The following TMED7 variants were observed in gnomAD, a reference collection of about 807,000 sequenced individuals.
TMED7 encodes transmembrane p24 trafficking protein 7, also known as transmembrane emp24 domain-containing protein 7.
A neutral mutation model predicts 23.4 loss-of-function variants in TMED7; 8 were observed. The observed-to-expected ratio is 0.34, with a 90% CI of 0.20 to 0.62. The LOEUF is 0.62. Ranked by LOEUF, TMED7 falls within the 20% of genes least tolerant of loss-of-function variation. The probability of loss-of-function intolerance (pLI) is 0.77; values close to 1 mark genes in which losing one functional copy is unlikely to be tolerated. For synonymous variants in TMED7, 121 were observed against 108.5 expected (o/e 1.12, Z -0.72); for missense variants, 232 against 279.1 (o/e 0.83, Z 1.20).
rs1019116434 is a variant in TMED7, at chr5:115,615,438, G to A, written c.*771C>T. On this transcript the variant is annotated 3_prime_UTR_variant, in exon 3 of 3. Transcript: ENST00000456936. The stretch of plus-strand genomic sequence containing the variant: ...TGTAAAAGCACTGAAAATGTAATGA[G>A]TACGTGTAACTCACTAAAAATTTTC... The A allele has an allele frequency of 6.6e-6, 1 of 152,306 alleles. No homozygotes were observed. The highest frequency in any genetic ancestry group is 1.5e-5 in the Non-Finnish European group (1 of 67,972). The allele number at this position is 152,306 out of a possible 1,614,324, so 9.4% of individuals were successfully genotyped here. A position where few individuals can be genotyped will look rare whatever the true frequency, so the allele number is the denominator to read the frequency against.
Position 115,620,630 on chromosome 5 carries a change from A to G in TMED7, c.243T>C (p.Asp81=). Reference sequence around the variant, plus strand: ...TCATCTCTTTGTATAACACTTTACCATCAGGATCTTCTAATCGACAATCTA... The same window carrying G: ...TCATCTCTTTGTATAACACTTTACCGTCAGGATCTTCTAATCGACAATCTA... The part of the protein sequence containing the change: ...YDVDCRLEDP[D]GKVLYKEMKK... The change falls in exon 2 of 3, where the codon GAT becomes GAC. Residue 81 remains aspartate, a synonymous_variant. Transcript: ENST00000456936. The G allele has an allele frequency of 6.3e-7, 1 of 1,579,364 alleles. No individual in the cohort carries two copies. Among genetic ancestry groups the G allele is most frequent in the Non-Finnish European group, 8.6e-7 (1 of 1,164,084 alleles).
rs11550719 is a variant in TMED7, at chr5:115,613,885, G to A, written c.*2324C>T. On this transcript the variant is annotated 3_prime_UTR_variant, in exon 3 of 3. Transcript: ENST00000456936. ...CCTTAAAATGTATCTTCACACAGTT[G>A]AAATTTTAGTATAAACTTGTATATC... 4 of 152,438 alleles carry A rather than the reference G, an allele frequency of 2.6e-5. No homozygotes were observed. The highest frequency in any genetic ancestry group is 6.5e-5 in the Admixed American group (1 of 15,274). 9.4% of individuals were successfully genotyped at this position (152,438 alleles called of 1,614,324 possible).
intron 1 of TMED7, among the ~76,000 whole-genome samples, chr5:115,623,694 C>T (rs569667895): frequency 1.1e-4 from 17 of 152,316 alleles, no homozygotes; most frequent in African/African-American, 3.1e-4. Context: ...TCTCCTCTGC[C>T]GCCTTGTAGA....
At position 115,619,873 on chromosome 5, in the gene TMED7, CTA is replaced by C. The variant is rs765086908; in HGVS notation, c.438+560_438+561del. ...TGGGTTTAAATTTTTTACGCTTTCT[CTA>C]TGTCTCCAAAATAAATCTGAATTTA... On this transcript the variant is annotated intron_variant, in intron 2 of 2. Transcript: ENST00000456936. Among the ~76,000 whole-genome samples, 6 of 152,132 alleles carry C rather than the reference CTA, an allele frequency of 3.9e-5. No individual in the cohort carries two copies. The East Asian group carries it at 7.7e-4, about 20-fold the overall frequency.
intron 1 of TMED7, among the ~76,000 whole-genome samples, chr5:115,624,834 C>A (rs1209055195): frequency 6.6e-6 from 1 of 152,216 alleles, no homozygotes; most frequent in Non-Finnish European, 1.5e-5. Context: ...GCTCTTAAGG[C>A]ACAGTTCTGA....
intron 2 of TMED7, 22 bp from the exon 3 acceptor site, chr5:115,616,467 C>A (rs1276724280): frequency 5.0e-6 from 8 of 1,613,808 alleles, no homozygotes; most frequent in Non-Finnish European, 5.9e-6. Flanking sequence ...TATTTTCAGT[C>A]AGTATGTGTG....
chr5:115,623,680 C>G lies in TMED7; in HGVS notation c.192+1921G>C, dbSNP rs550971459. Among the ~76,000 whole-genome samples, 3 of 152,314 alleles carry G rather than the reference C, an allele frequency of 2.0e-5. No individual in the cohort carries two copies. The South Asian group carries it at 6.2e-4, about 32-fold the overall frequency. On this transcript the variant is annotated intron_variant, in intron 1 of 2. Transcript: ENST00000456936. ...TGAACATATCTGCCTGGGGCCCCTTCTTCTCTCCTCTGCCGCCTTGTAGAG... is the reference window on the plus strand; with the variant it reads ...TGAACATATCTGCCTGGGGCCCCTTGTTCTCTCCTCTGCCGCCTTGTAGAG...
chr5:115,620,554 TG>T lies in TMED7; in HGVS notation c.318del (p.Tyr106Ter), dbSNP rs749916399. 1 of 1,607,812 alleles carries T rather than the reference TG, an allele frequency of 6.2e-7. No homozygotes were observed. Among genetic ancestry groups the T allele is most frequent in the South Asian group, 1.1e-5 (1 of 89,498 alleles). ...GAAAATTCATTGCTGAAGCAAAATT[TG>T]TATGTCCCATTTTTGGAGGCTGTGA... ...FTFTASKNGTYKFCFSNEFST... is the reference protein window; with the variant it reads ...FTFTASKNGTXKFCFSNEFST... On this transcript the variant is annotated frameshift_variant, in exon 2 of 3. Coordinates refer to ENST00000456936, the MANE Select transcript of TMED7 (RefSeq NM_181836.6). LOFTEE classifies it high-confidence loss of function.
chr5:115,618,128 C>T lies in TMED7; in HGVS notation c.439-1683G>A, dbSNP rs181101800. 5.7e-3 allele frequency among the ~76,000 whole-genome samples: 875 copies of T among 152,274 alleles called. 15 individuals carry two copies. The highest frequency in any genetic ancestry group is 0.02 in the African/African-American group (822 of 41,554). ...TTTTAAAAAACTTTTACAGTGAAAA[C>T]TTCCATATATATTCAAAAGTATTGA... On this transcript the variant is annotated intron_variant, in intron 2 of 2. Coordinates refer to ENST00000456936, the MANE Select transcript of TMED7 (RefSeq NM_181836.6).
chr5:115,620,420 G>A lies in TMED7; in HGVS notation c.438+15C>T. On this transcript the variant is annotated intron_variant, in intron 2 of 2. Coordinates refer to ENST00000456936, the MANE Select transcript of TMED7 (RefSeq NM_181836.6). ...TTAAATATACCAACATTATATTGCT[G>A]ATTTTTTTATTTACCTGGGTAAGAG... 6 of 1,476,568 alleles carry A rather than the reference G, an allele frequency of 4.1e-6. 1 individual carries two copies. The South Asian group carries it at 8.9e-5, about 22-fold the overall frequency. 91.5% of individuals were successfully genotyped at this position (1,476,568 alleles called of 1,614,324 possible).
At position 115,625,887 on chromosome 5, in the gene TMED7, C is replaced by G. The variant is rs1757200095; in HGVS notation, c.-95G>C. 11 of 1,312,780 alleles carry G rather than the reference C, an allele frequency of 8.4e-6. No homozygotes were observed. The highest frequency in any genetic ancestry group is 1.6e-5 in the African/African-American group (1 of 64,334). The allele number at this position is 1,312,780 out of a possible 1,614,324, so 81.3% of individuals were successfully genotyped here. On this transcript the variant is annotated 5_prime_UTR_variant, in exon 1 of 3. Transcript: ENST00000456936. ...CGCGGCAGGCCTCAGCGCAGGCCAC[C>G]CCGCAAAGATACACAGCAGAGCAGG...
Position 115,615,716 on chromosome 5 carries a change from C to T in TMED7, c.*493G>A, listed in dbSNP as rs1756701407. On this transcript the variant is annotated 3_prime_UTR_variant, in exon 3 of 3. Coordinates refer to ENST00000456936, the MANE Select transcript of TMED7 (RefSeq NM_181836.6). The stretch of plus-strand genomic sequence containing the variant: ...GATATATCAATATTAACTAACATTC[C>T]TATGGTAGATTTATTTTTCCTCCAT... 1.3e-5 allele frequency: 2 copies of T among 154,226 alleles called. No individual in the cohort carries two copies. The highest frequency in any genetic ancestry group is 1.4e-5 in the Non-Finnish European group (1 of 69,114). The allele number at this position is 154,226 out of a possible 1,614,324, so 9.6% of individuals were successfully genotyped here.
In TMED7 at chr5:115,625,709, C is replaced by G; in HGVS notation, c.84G>C (p.Val28=). The G allele has an allele frequency of 1.2e-6, 2 of 1,602,212 alleles. No homozygotes were observed. Among genetic ancestry groups the G allele is most frequent in the Non-Finnish European group, 1.7e-6 (2 of 1,175,546 alleles). The change falls in exon 1 of 3, where the codon GTG becomes GTC. Residue 28 remains valine (V), a synonymous_variant. Transcript: ENST00000456936. The part of the protein sequence containing the change: ...GCRLLALLLL[V]PGPGGASEIT... ...TCTCAGAGGCGCCGCCGGGTCCAGG[C>G]ACCAGTAGCAGCAGTGCGAGCAGCC...
At position 115,625,700 on chromosome 5, in the gene TMED7, G is replaced by A. The variant is rs1464303499; in HGVS notation, c.93C>T (p.Pro31=). The part of the protein sequence containing the change: ...LLALLLLVPG[P]GGASEITFEL... ...CGAAGGTGATCTCAGAGGCGCCGCC[G>A]GGTCCAGGCACCAGTAGCAGCAGTG... is the stretch of plus-strand genomic sequence containing the variant. Residue 31 remains proline (P), a synonymous_variant, in exon 1 of 3, where the codon CCC becomes CCT. Transcript: ENST00000456936. 6 of 1,603,446 alleles carry A rather than the reference G, an allele frequency of 3.7e-6. No homozygotes were observed. The highest frequency in any genetic ancestry group is 3.4e-5 in the Admixed American group (2 of 58,756).
At chr5:115,624,873 C>G (rs1459544452) in intron 1 of TMED7, among the ~76,000 whole-genome samples, 2 of 152,192 alleles carry the variant, frequency 1.3e-5, no homozygotes, top group Non-Finnish European at 2.9e-5. Context: ...TTAAGAAAAG[C>G]AGGGTGAGAG....
Position 115,613,906 on chromosome 5 carries a change from A to G in TMED7, c.*2303T>C, listed in dbSNP as rs1756574421. ...AGTTGAAATTTTAGTATAAACTTGTATATCAAGTTGCTTTCCATTATTTAT... is the reference window on the plus strand; with the variant it reads ...AGTTGAAATTTTAGTATAAACTTGTGTATCAAGTTGCTTTCCATTATTTAT... On this transcript the variant is annotated 3_prime_UTR_variant, in exon 3 of 3. Transcript: ENST00000456936. The G allele has an allele frequency of 6.6e-6, 1 of 152,572 alleles. No homozygotes were observed. Among genetic ancestry groups the G allele is most frequent in the Non-Finnish European group, 1.5e-5 (1 of 67,956 alleles). The allele number at this position is 152,572 out of a possible 1,614,324, so 9.5% of individuals were successfully genotyped here. A position where few individuals can be genotyped will look rare whatever the true frequency, so the allele number is the denominator to read the frequency against.
chr5:115,617,641 G>A (rs1033169093), intron 2 of TMED7, among the ~76,000 whole-genome samples: 2 of 152,188 alleles, frequency 1.3e-5, no homozygotes, highest in Non-Finnish European at 2.9e-5. Flanking sequence ...ATTGCCCAAG[G>A]ATTCTTCACC....
chr5:115,616,512 T>G, intron 2 of TMED7, 67 bp from the exon 3 acceptor site: 1 of 1,596,520 alleles, frequency 6.3e-7, no homozygotes, highest in Non-Finnish European at 8.5e-7. Flanking sequence ...CATATTCAGC[T>G]TTTCTTTCAA....
intron 1 of TMED7, 139 bp from the exon 2 acceptor site, chr5:115,620,819 G>T: frequency 9.3e-7 from 1 of 1,079,778 alleles, no homozygotes; most frequent in Non-Finnish European, 1.2e-6. Flanking sequence ...CCAGTGGATG[G>T]AACTTGGGAG....
Sources: allele counts gnomAD v4.1 joint callset (sites outside exome capture counted in the v4.1 genomes callset), GRCh38; gene constraint gnomAD v4.1.1; transcripts MANE v1.5; gene names NCBI Gene and HGNC (gene_info 2026-07-23, HGNC 2026-07-21).